ARHGAP15: variants seen among roughly 807,000 people sequenced by gnomAD.
ARHGAP15 encodes rho GTPase-activating protein 15.
In ARHGAP15, 51 loss-of-function variants were observed where a neutral mutation model predicts 63.7. The observed-to-expected ratio is 0.80, with a 90% confidence interval of 0.64 to 1.01. The LOEUF (loss-of-function observed/expected upper bound fraction) is 1.01, where lower values mean the gene tolerates loss of function less well. ARHGAP15 is among the 50% of genes least tolerant of loss of function. ARHGAP15 has a pLI of 0.00. For synonymous variants in ARHGAP15, 191 were observed against 193.8 expected, an observed-to-expected ratio of 0.99 and a Z score of 0.12; for missense variants, 560 against 564.6, an observed-to-expected ratio of 0.99 and a Z score of 0.08.
chr2:143,490,036 G>C (rs1210662075), intron 9 of ARHGAP15, among the ~76,000 whole-genome samples: 1 of 152,166 alleles, frequency 6.6e-6, no homozygotes, highest in Non-Finnish European at 1.5e-5. Flanking sequence ...GTCTCGCTCT[G>C]TCGCCCAGGC....
At chr2:143,735,642 C>A (rs1341100320) in intron 13 of ARHGAP15, among the ~76,000 whole-genome samples, 1 of 152,136 alleles carries the variant, frequency 6.6e-6, no homozygotes. Flanking sequence ...GACTGCATGG[C>A]TCTCATTAGT....
chr2:143,325,337 T>C (rs1684202152), intron 6 of ARHGAP15, among the ~76,000 whole-genome samples: 1 of 152,136 alleles, frequency 6.6e-6, no homozygotes, highest in African/African-American at 2.4e-5. Context: ...TTTTATTTAC[T>C]TAAATATAAA....
chr2:143,470,635 G>A (rs1423656535), intron 8 of ARHGAP15, among the ~76,000 whole-genome samples: 1 of 141,288 alleles, frequency 7.1e-6, no homozygotes, highest in Non-Finnish European at 1.5e-5. Flanking sequence ...ACATATGTGT[G>A]TATATATGTG....
chr2:143,665,653 G>C (rs1177693465), intron 12 of ARHGAP15, among the ~76,000 whole-genome samples: 86 of 123,626 alleles, frequency 7.0e-4, no homozygotes, highest in Non-Finnish European at 1.1e-3. Flanking sequence ...CGACATGATT[G>C]TATATCTAGA....
chr2:143,254,493 C>G (rs1018239674), intron 6 of ARHGAP15, among the ~76,000 whole-genome samples: 1 of 151,264 alleles, frequency 6.6e-6, no homozygotes, highest in African/African-American at 2.4e-5. Context: ...TTCCTTTGAA[C>G]ACAAACCTTT....
At chr2:143,132,748 C>G (rs891299429) in intron 1 of ARHGAP15, among the ~76,000 whole-genome samples, 2 of 152,188 alleles carry the variant, frequency 1.3e-5, no homozygotes, top group Non-Finnish European at 2.9e-5. Context: ...CCTCAAAATT[C>G]TACTACGGAG....
At chr2:143,269,085 A>G (rs1681140480) in intron 6 of ARHGAP15, among the ~76,000 whole-genome samples, 1 of 152,146 alleles carries the variant, frequency 6.6e-6, no homozygotes. Flanking sequence ...TATGCCAAAT[A>G]TTTCTATGCT....
chr2:143,453,136 C>T (rs1404230872), intron 8 of ARHGAP15, among the ~76,000 whole-genome samples: 3 of 151,912 alleles, frequency 2.0e-5, no homozygotes, highest in African/African-American at 7.2e-5. Context: ...TTATCATCCC[C>T]ATTTTATCTA....
chr2:143,356,416 C>G (rs1685813502), intron 6 of ARHGAP15, among the ~76,000 whole-genome samples: 1 of 152,138 alleles, frequency 6.6e-6, no homozygotes, highest in Admixed American at 6.5e-5. Flanking sequence ...CCCCCCTTCC[C>G]CCACCATGAT....
intron 6 of ARHGAP15, among the ~76,000 whole-genome samples, chr2:143,341,673 C>A (rs967665947): frequency 2.0e-5 from 3 of 152,060 alleles, no homozygotes; most frequent in African/African-American, 7.2e-5. Context: ...CCTAAAATTT[C>A]TTGCTTACTC....
chr2:143,399,681 A>G (rs747455580), intron 6 of ARHGAP15, among the ~76,000 whole-genome samples: 3 of 152,062 alleles, frequency 2.0e-5, no homozygotes, highest in South Asian at 2.1e-4. Context: ...AGGTTAAGAG[A>G]CTTCCTACAG....
chr2:143,533,991 G>T (rs1694635259), intron 10 of ARHGAP15, among the ~76,000 whole-genome samples: 1 of 152,066 alleles, frequency 6.6e-6, no homozygotes, highest in Non-Finnish European at 1.5e-5. Context: ...TACATCACTG[G>T]CTCCATCTGA....
At chr2:143,762,777 G>A (rs918521059) in intron 13 of ARHGAP15, among the ~76,000 whole-genome samples, 1 of 152,050 alleles carries the variant, frequency 6.6e-6, no homozygotes, top group African/African-American at 2.4e-5. Context: ...AAGAAAAAGT[G>A]GCACTCAATT....
chr2:143,344,979 T>C (rs1482428237), intron 6 of ARHGAP15, among the ~76,000 whole-genome samples: 1 of 152,144 alleles, frequency 6.6e-6, no homozygotes, highest in Non-Finnish European at 1.5e-5. Context: ...AGTTGATCTC[T>C]GATTTTCTCA....
At chr2:143,431,448 CT>C (rs1049892840) in intron 6 of ARHGAP15, among the ~76,000 whole-genome samples, 4 of 152,074 alleles carry the variant, frequency 2.6e-5, no homozygotes, top group Non-Finnish European at 4.4e-5. Flanking sequence ...ATCATTAAAG[CT>C]GATATCACTT....
chr2:143,422,047 C>A (rs1184351102), intron 6 of ARHGAP15, among the ~76,000 whole-genome samples: 1 of 152,090 alleles, frequency 6.6e-6, no homozygotes, highest in East Asian at 1.9e-4. Context: ...TCCCTTAGTG[C>A]CTCCTCCACC....
intron 6 of ARHGAP15, among the ~76,000 whole-genome samples, chr2:143,359,455 T>C (rs914291098): frequency 6.6e-6 from 1 of 152,176 alleles, no homozygotes; most frequent in African/African-American, 2.4e-5. Flanking sequence ...TTGTCACTCT[T>C]AGGAAAATGT....
intron 11 of ARHGAP15, among the ~76,000 whole-genome samples, chr2:143,595,174 C>A (rs1196733447): frequency 6.6e-6 from 1 of 152,084 alleles, no homozygotes; most frequent in Non-Finnish European, 1.5e-5. Context: ...TTAGATTTAT[C>A]CCATCCCAAA....
intron 9 of ARHGAP15, among the ~76,000 whole-genome samples, chr2:143,513,363 A>G (rs1693670637): frequency 6.6e-6 from 1 of 152,180 alleles, no homozygotes; most frequent in Non-Finnish European, 1.5e-5. Context: ...GTGGCAATAA[A>G]AAATACCCTG....
Sources: allele counts gnomAD v4.1 joint callset (sites outside exome capture counted in the v4.1 genomes callset), GRCh38; gene constraint gnomAD v4.1.1; transcripts MANE v1.5; gene names NCBI Gene and HGNC (gene_info 2026-07-23, HGNC 2026-07-21).